Variants in CALY observed in about 807,000 individuals in gnomAD.
CALY encodes neuron-specific vesicular protein calcyon.
CALY carries 15 observed loss-of-function variants against 20.2 expected under a neutral mutation model. The ratio of observed to expected loss-of-function variants is 0.74; its 90% CI spans 0.50 to 1.14. The LOEUF (loss-of-function observed/expected upper bound fraction) is 1.14. Ranked by LOEUF, CALY falls within the 50% of genes most tolerant of loss-of-function variation. CALY has a pLI of 0.00. For missense variants in CALY, 270 were observed against 304.4 expected (o/e 0.89, Z 0.84); for synonymous variants, 129 against 131.8 (o/e 0.98, Z 0.15).
intron 1 of CALY, among the ~76,000 whole-genome samples, chr10:133,336,370 C>T (rs1189946969): frequency 2.0e-5 from 3 of 151,912 alleles, no homozygotes; most frequent in Non-Finnish European, 4.4e-5. Context: ...CACCGCCCAC[C>T]CCCAACCCCC....
intron 1 of CALY, among the ~76,000 whole-genome samples, chr10:133,333,596 A>C (rs1848359864): frequency 6.7e-6 from 1 of 149,388 alleles, no homozygotes; most frequent in Non-Finnish European, 1.5e-5. Context: ...GAAGGGTCGG[A>C]GAGCGGAGGT....
chr10:133,325,732 A>C, intron 5 of CALY, 67 bp downstream of exon 5: 1 of 696,258 alleles, frequency 1.4e-6, no homozygotes, highest in Non-Finnish European at 2.0e-6. Context: ...TTTGGCTCAG[A>C]AGCGGTGGCG....
At chr10:133,336,635 C>A (rs1430277642) in intron 1 of CALY, among the ~76,000 whole-genome samples, 199 bp downstream of exon 1, 1 of 152,188 alleles carries the variant, frequency 6.6e-6, no homozygotes, top group Non-Finnish European at 1.5e-5. Flanking sequence ...GGAGGGCGGC[C>A]GTGCAGCGCG....
chr10:133,336,392 G>A (rs971748215), intron 1 of CALY, among the ~76,000 whole-genome samples: 1 of 141,422 alleles, frequency 7.1e-6, no homozygotes, highest in African/African-American at 2.6e-5. Context: ...TGCGGGCAGC[G>A]GCTCCTCGGT....
intron 4 of CALY, 98 bp downstream of exon 4, chr10:133,326,779 GT>G: frequency 1.4e-6 from 1 of 723,986 alleles, no homozygotes; most frequent in South Asian, 1.6e-5. Context: ...TGGAGACCAC[GT>G]TCCCCCAGCA....
At chr10:133,330,375 A>G (rs1160805182) in intron 1 of CALY, among the ~76,000 whole-genome samples, 1 of 112,874 alleles carries the variant, frequency 8.9e-6, no homozygotes, top group Non-Finnish European at 1.9e-5. Context: ...AAAAAAAAAA[A>G]GGCAGGGCGC....
chr10:133,329,782 C>G (rs1848273375), intron 1 of CALY, among the ~76,000 whole-genome samples: 1 of 152,200 alleles, frequency 6.6e-6, no homozygotes. Flanking sequence ...TTCAAATAAG[C>G]AACGAGCTCA....
intron 5 of CALY, 100 bp from the exon 6 acceptor site, chr10:133,325,666 C>T (rs931815684): frequency 3.1e-5 from 13 of 418,378 alleles, no homozygotes; most frequent in African/African-American, 1.9e-4. Context: ...ACCCCCAACC[C>T]CGAGGTTCTG....
chr10:133,326,353 A>G, intron 4 of CALY: 1 of 1,264,122 alleles, frequency 7.9e-7, no homozygotes. Context: ...CGCAGACACC[A>G]GTGGACCTGC....
rs891680356 is a variant in CALY at position 133,324,886 on chromosome 10, C to T, written c.*709G>A. 3.6e-6 allele frequency: 1 copy of T among 275,414 alleles called. No homozygotes were observed. The highest frequency in any genetic ancestry group is 7.2e-6 in the Non-Finnish European group (1 of 139,814). 17.1% of individuals were successfully genotyped at this position (275,414 alleles called of 1,614,324 possible). On this transcript the variant is annotated 3_prime_UTR_variant, in exon 6 of 6. Transcript: ENST00000252939. ...CCAGGGACACGGGAGACCCCAGCCCCCAGGAACCAGAGCTCACCCCTCATC... is the reference window on the plus strand; with the variant it reads ...CCAGGGACACGGGAGACCCCAGCCCTCAGGAACCAGAGCTCACCCCTCATC...
intron 1 of CALY, among the ~76,000 whole-genome samples, chr10:133,335,757 G>C (rs1473432709): frequency 6.6e-6 from 1 of 152,230 alleles, no homozygotes; most frequent in Non-Finnish European, 1.5e-5. Context: ...CTGCACCTGC[G>C]CTGTCGCGGC....
intron 1 of CALY, among the ~76,000 whole-genome samples, chr10:133,330,349 C>CT (rs1848282625): frequency 2.9e-5 from 1 of 34,428 alleles, no homozygotes; most frequent in African/African-American, 1.0e-4. Context: ...CGAAACTCTG[C>CT]CAAAAAAAAA....
chr10:133,327,722 G>A, intron 3 of CALY, 183 bp downstream of exon 3: 1 of 696,676 alleles, frequency 1.4e-6, no homozygotes. Flanking sequence ...CTCGGGAGGG[G>A]GCCTGGTGGG....
rs1348680002 is a variant in CALY, at chr10:133,326,968, G to A, written c.270C>T (p.Ala90=). 3.1e-6 allele frequency: 5 copies of A among 1,609,918 alleles called. No homozygotes were observed. In the Admixed American group the frequency reaches 8.4e-5, roughly 27 times the overall value. The stretch of plus-strand genomic sequence containing the variant: ...CGCAGCCCAGTAGCGCCATGGCGAA[G>A]GCGATCATCCGTGCGGTGGGCAGCT... The part of the protein sequence containing the change: ...GRRLPTARMI[A]FAMALLGCVL... The change falls in exon 4 of 6, where the codon GCC becomes GCT. Residue 90 remains alanine (A), a synonymous_variant. Transcript: ENST00000252939.
In CALY at chr10:133,335,533, G is replaced by A. The variant is rs1370353636; in HGVS notation, c.-21+1301C>T. The stretch of plus-strand genomic sequence containing the variant: ...CTTCAGGAAGAAAAAGCCATTGGGG[G>A]CCCACTGGAGCCTCGCTTCTGGTTC... On this transcript the variant is annotated intron_variant, in intron 1 of 5. Coordinates refer to ENST00000252939, the MANE Select transcript of CALY (RefSeq NM_015722.4). Among the ~76,000 whole-genome samples, 3 of 152,232 alleles carry A rather than the reference G, an allele frequency of 2.0e-5. No individual in the cohort carries two copies. The East Asian group carries it at 5.8e-4, about 29-fold the overall frequency.
Position 133,329,739 on chromosome 10 carries a change from A to G in CALY, c.-20-730T>C, listed in dbSNP as rs141420516. ...GAGAGCTGGGTGCCAGACTCAGCAC[A>G]TAAAAATGCTGGAGACCCAGCTAAA... On this transcript the variant is annotated intron_variant, in intron 1 of 5. Coordinates refer to ENST00000252939, the MANE Select transcript of CALY (RefSeq NM_015722.4). Among the ~76,000 whole-genome samples the G allele has an allele frequency of 3.8e-3, 574 of 152,340 alleles. 2 individuals carry two copies. The highest frequency in any genetic ancestry group is 0.013 in the African/African-American group (552 of 41,582).
At chr10:133,329,557 T>A (rs1441053419) in intron 1 of CALY, among the ~76,000 whole-genome samples, 1 of 151,962 alleles carries the variant, frequency 6.6e-6, no homozygotes, top group Non-Finnish European at 1.5e-5. Flanking sequence ...GGCTAATTTT[T>A]AAAATTTGTG....
At chr10:133,335,211 G>A (rs1848417903) in intron 1 of CALY, among the ~76,000 whole-genome samples, 1 of 152,030 alleles carries the variant, frequency 6.6e-6, no homozygotes, top group Non-Finnish European at 1.5e-5. Context: ...GGAGGGGTCG[G>A]GGGTCTCCCC....
At chr10:133,334,646 G>A (rs926829120) in intron 1 of CALY, among the ~76,000 whole-genome samples, 4 of 151,518 alleles carry the variant, frequency 2.6e-5, no homozygotes, top group Non-Finnish European at 4.4e-5. Flanking sequence ...GAAGGATTTG[G>A]AGGTGGCAGC....
Sources: allele counts gnomAD v4.1 joint callset (sites outside exome capture counted in the v4.1 genomes callset), GRCh38; gene constraint gnomAD v4.1.1; transcripts MANE v1.5; gene names NCBI Gene and HGNC (gene_info 2026-07-23, HGNC 2026-07-21).